Variants in LARP1 observed in about 807,000 individuals in gnomAD.
LARP1 encodes la-related protein 1.
A neutral mutation model predicts 122.7 loss-of-function variants in LARP1; 36 were observed. That is an observed-to-expected ratio of 0.29 (90% CI 0.22 to 0.39). LARP1 has a LOEUF of 0.39. Among genes scored for constraint, LARP1 ranks in the 10% least tolerant of loss-of-function variants. The probability of loss-of-function intolerance (pLI) is 1.00; values close to 1 mark genes in which losing one functional copy is unlikely to be tolerated. For missense variants in LARP1, 1,040 were observed against 1,403.6 expected, an observed-to-expected ratio of 0.74 and a Z score of 4.14; for synonymous variants, 539 against 528.7, an observed-to-expected ratio of 1.02 and a Z score of -0.27.
chr5:154,764,178 A>G lies in LARP1; in HGVS notation c.436+7985A>G, dbSNP rs113354419. Reference sequence around the variant, plus strand: ...ACAAAAATTAGCTGGGCGTGGTGGCATGCGCCTGTAATCCCCAGCTACTCG... The same window carrying G: ...ACAAAAATTAGCTGGGCGTGGTGGCGTGCGCCTGTAATCCCCAGCTACTCG... On this transcript the variant is annotated intron_variant, in intron 1 of 18. Transcript: ENST00000518297. Among the ~76,000 whole-genome samples the G allele has an allele frequency of 1.0e-3, 152 of 151,016 alleles. 1 individual carries two copies. Among genetic ancestry groups the G allele is most frequent in the African/African-American group, 3.6e-3 (148 of 41,020 alleles).
chr5:154,797,218 GTTGTTTTTTTTTTTTTTTTT>G (rs1181759125), intron 8 of LARP1, among the ~76,000 whole-genome samples: 2 of 66,238 alleles, frequency 3.0e-5, no homozygotes, highest in South Asian at 4.6e-4. Flanking sequence ...TTTTGTTGTT[GTTGTTTTTTTTTTTTTTTTT>G]TTTTTTTTTT....
chr5:154,707,973 A>G (rs1331645581), upstream of LARP1, among the ~76,000 whole-genome samples: 1 of 152,184 alleles, frequency 6.6e-6, no homozygotes, highest in Non-Finnish European at 1.5e-5. Context: ...ACATACTTTT[A>G]AGGCCACCGT....
intron 1 of LARP1, among the ~76,000 whole-genome samples, chr5:154,707,546 A>G (rs763098771): frequency 6.6e-6 from 1 of 152,366 alleles, no homozygotes; most frequent in African/African-American, 2.4e-5. Context: ...TCTGGGCACT[A>G]TAAGTGCTCA....
At chr5:154,745,191 G>A (rs1753126059) in intron 1 of LARP1, among the ~76,000 whole-genome samples, 1 of 152,150 alleles carries the variant, frequency 6.6e-6, no homozygotes, top group South Asian at 2.1e-4. Context: ...CTCCCAAAGT[G>A]CTGGGATTAC....
chr5:154,766,689 T>C (rs1283521216), intron 1 of LARP1, among the ~76,000 whole-genome samples: 3 of 152,156 alleles, frequency 2.0e-5, no homozygotes, highest in Non-Finnish European at 2.9e-5. Context: ...CCTGGGGTGG[T>C]CCACATGGCT....
intron 16 of LARP1, among the ~76,000 whole-genome samples, chr5:154,810,237 A>T (rs1297314571): frequency 6.6e-6 from 1 of 151,386 alleles, no homozygotes; most frequent in African/African-American, 2.4e-5. Flanking sequence ...GGAGTTTGGG[A>T]CCAGCCTGGC....
At chr5:154,792,597 A>T in intron 3 of LARP1, 25 bp from the exon 4 acceptor site, 11 of 1,610,848 alleles carry the variant, frequency 6.8e-6, no homozygotes, top group Non-Finnish European at 9.3e-6. Context: ...CACTCACCTC[A>T]CTGTTACTTT....
chr5:154,732,188 ACAAAAAAAAAAAAAAAAG>A (rs1756621345), intron 1 of LARP1, among the ~76,000 whole-genome samples: 11 of 42,332 alleles, frequency 2.6e-4, no homozygotes, highest in African/African-American at 5.4e-4. Flanking sequence ...ACAAAACAAA[ACAAAAAAAAAAAAAAAAG>A]AAAGGTGAAT....
intron 8 of LARP1, among the ~76,000 whole-genome samples, chr5:154,795,942 TTTA>T (rs1233758492): frequency 2.5e-5 from 3 of 119,476 alleles, no homozygotes; most frequent in Non-Finnish European, 4.9e-5. Context: ...ATATTATATA[TTTA>T]TATATTATAT....
At chr5:154,811,098 G>A (rs573367986) in intron 16 of LARP1, 149 bp from the exon 17 acceptor site, 196 of 606,292 alleles carry the variant, frequency 3.2e-4, no homozygotes, top group Non-Finnish European at 3.7e-4. Flanking sequence ...GACCCACTTA[G>A]ACTAGCATTC....
intron 8 of LARP1, among the ~76,000 whole-genome samples, chr5:154,797,211 T>C (rs545464551): frequency 7.1e-6 from 1 of 141,042 alleles, no homozygotes; most frequent in East Asian, 2.0e-4. Context: ...TATTCTGTTT[T>C]GTTGTTGTTG....
chr5:154,764,309 C>CAA (rs763026015), intron 1 of LARP1, among the ~76,000 whole-genome samples: 438 of 112,726 alleles, frequency 3.9e-3, no homozygotes, highest in African/African-American at 0.013. Flanking sequence ...GACTTCATCT[C>CAA]AAAAAAAAAA....
chr5:154,713,279 T>C (rs1451933460), intron 1 of LARP1: 7 of 632,074 alleles, frequency 1.1e-5, no homozygotes, highest in Non-Finnish European at 1.4e-5. Flanking sequence ...GAACCTCACA[T>C]TCCCCATCTG....
chr5:154,796,162 A>ATATATTTATATATTATATATATATTT (rs1757828168), intron 8 of LARP1, among the ~76,000 whole-genome samples: 4 of 123,256 alleles, frequency 3.2e-5, no homozygotes, highest in African/African-American at 1.2e-4. Context: ...TATATATTTT[A>ATATATTTATATATTATATATATATTT]TGTATTTATA....
chr5:154,774,300 G>C (rs977524055), intron 1 of LARP1, among the ~76,000 whole-genome samples: 8 of 152,186 alleles, frequency 5.3e-5, no homozygotes, highest in African/African-American at 1.7e-4. Flanking sequence ...GCCTTTCTCT[G>C]CATCACTGCA....
intron 8 of LARP1, among the ~76,000 whole-genome samples, chr5:154,796,469 C>G (rs1009282763): frequency 6.6e-6 from 1 of 151,896 alleles, no homozygotes; most frequent in Non-Finnish European, 1.5e-5. Context: ...TAGGATTTTC[C>G]ACAGGGCACA....
Position 154,793,735 on chromosome 5 carries a change from C to G in LARP1, c.868+12C>G. On this transcript the variant is annotated intron_variant, in intron 5 of 18. Transcript: ENST00000518297. The stretch of plus-strand genomic sequence containing the variant: ...CGGAGAGATCAAAGGTATGCACTAC[C>G]CACTATGGAGGGCCTGGACTTGGGA... 2 of 1,614,138 alleles carry G rather than the reference C, an allele frequency of 1.2e-6. No homozygotes were observed. Among genetic ancestry groups the G allele is most frequent in the Non-Finnish European group, 1.7e-6 (2 of 1,179,994 alleles).
intron 1 of LARP1, among the ~76,000 whole-genome samples, chr5:154,748,465 T>C (rs78437390): frequency 0.025 from 3,762 of 152,248 alleles, 146 homozygotes; most frequent in African/African-American, 0.084. Flanking sequence ...ATGAAAAATA[T>C]ATGTTTTAGG....
intron 1 of LARP1, among the ~76,000 whole-genome samples, chr5:154,768,019 C>T (rs956363073): frequency 6.6e-6 from 1 of 152,084 alleles, no homozygotes; most frequent in Admixed American, 6.6e-5. Context: ...CTTGGGGGTG[C>T]GGTGGGAAAT....
Sources: allele counts gnomAD v4.1 joint callset (sites outside exome capture counted in the v4.1 genomes callset), GRCh38; gene constraint gnomAD v4.1.1; transcripts MANE v1.5; gene names NCBI Gene and HGNC (gene_info 2026-07-23, HGNC 2026-07-21).